Variants in VRK3 observed in about 807,000 individuals in gnomAD.
The protein encoded by VRK3 is serine/threonine-protein kinase VRK3.
Under a neutral mutation model 60.4 loss-of-function variants are expected in VRK3, and 50 were observed. The observed-to-expected ratio is 0.83, with a 90% CI of 0.66 to 1.05. VRK3 has a LOEUF of 1.05. Ranked by LOEUF, VRK3 falls within the 50% of genes least tolerant of loss-of-function variation. The probability of loss-of-function intolerance (pLI) is 0.00; values close to 1 mark genes in which losing one functional copy is unlikely to be tolerated. For missense variants in VRK3, 549 were observed against 585.3 expected (o/e 0.94, Z 0.64); for synonymous variants, 246 against 227.8 (o/e 1.08, Z -0.72).
At chr19:49,996,029 C>T (rs931238289) in intron 7 of VRK3, among the ~76,000 whole-genome samples, 1 of 152,162 alleles carries the variant, frequency 6.6e-6, no homozygotes, top group Non-Finnish European at 1.5e-5. Context: ...TCAAGTGATT[C>T]TCCTGCCTCA....
chr19:49,986,050 T>C (rs1600658912), intron 12 of VRK3, among the ~76,000 whole-genome samples: 2 of 152,302 alleles, frequency 1.3e-5, no homozygotes, highest in South Asian at 2.1e-4. Context: ...TAATAAATGT[T>C]AGCTTTGAAC....
intron 3 of VRK3, 193 bp downstream of exon 3, chr19:50,015,831 A>G (rs2077066936): frequency 2.9e-6 from 2 of 680,602 alleles, no homozygotes; most frequent in African/African-American, 3.6e-5. Flanking sequence ...ACATGGAGAC[A>G]GTGTTCAAAG....
rs753962257 is a variant in VRK3 at position 49,997,587 on chromosome 19, G to C, written c.613-17C>G. The stretch of plus-strand genomic sequence containing the variant: ...CTTGGCATCCTGGTGGGGGACAGGA[G>C]GGGCAGAAGGCTGTCACACTGAAGT... On this transcript the variant is annotated splice_polypyrimidine_tract_variant and intron_variant, in intron 6 of 14. Coordinates refer to ENST00000316763, the MANE Select transcript of VRK3 (RefSeq NM_016440.4). 6.2e-6 allele frequency: 10 copies of C among 1,613,614 alleles called. No homozygotes were observed. The East Asian group carries it at 2.0e-4, about 32-fold the overall frequency.
chr19:50,017,144 A>G (rs1289532436), intron 2 of VRK3, among the ~76,000 whole-genome samples: 1 of 152,008 alleles, frequency 6.6e-6, no homozygotes, highest in East Asian at 1.9e-4. Context: ...CAGTGAACCA[A>G]GATCATGCCA....
intron 11 of VRK3, among the ~76,000 whole-genome samples, chr19:49,989,186 A>G (rs939513087): frequency 6.6e-6 from 1 of 152,038 alleles, no homozygotes; most frequent in Non-Finnish European, 1.5e-5. Context: ...GGGGCTCAAG[A>G]AATCTGCCCT....
rs1166002324 is a variant in VRK3, at chr19:49,981,956, AT to A, written c.1218-944del. The A allele has an allele frequency of 1.1e-5, 7 of 651,306 alleles. No homozygotes were observed. The African/African-American group carries it at 1.3e-4, about 12-fold the overall frequency. 40.3% of individuals were successfully genotyped at this position (651,306 alleles called of 1,614,324 possible). A position where few individuals can be genotyped will look rare whatever the true frequency, so the allele number is the denominator to read the frequency against. Reference sequence around the variant, plus strand: ...GTGCCTGAGAGGGGGTCACTGTGGCATCCGCACAGTTCAGTGGAATGTGGGG... The same window carrying A: ...GTGCCTGAGAGGGGGTCACTGTGGCACCGCACAGTTCAGTGGAATGTGGGG... On this transcript the variant is annotated intron_variant, in intron 12 of 14. Transcript: ENST00000316763.
chr19:50,004,294 C>T (rs1276195929), intron 5 of VRK3, among the ~76,000 whole-genome samples: 1 of 152,028 alleles, frequency 6.6e-6, no homozygotes, highest in Non-Finnish European at 1.5e-5. Context: ...CCTGCCCTCT[C>T]CCCACCCTGC....
intron 14 of VRK3, chr19:49,978,643 G>A (rs1319212693): frequency 6.2e-6 from 1 of 160,526 alleles, no homozygotes; most frequent in African/African-American, 2.4e-5. Flanking sequence ...CCGAAGGCAT[G>A]GAGCAGCTAC....
chr19:50,005,210 C>T lies in VRK3; in HGVS notation c.547+2359G>A, dbSNP rs1239022140. On this transcript the variant is annotated intron_variant, in intron 5 of 14. Coordinates refer to ENST00000316763, the MANE Select transcript of VRK3 (RefSeq NM_016440.4). ...GACATCAAGGCACAGAGTGCCTGGG[C>T]TGTTTGCTGGGGCTCCCTCAGTGTG... Among the ~76,000 whole-genome samples, 2 of 149,108 alleles carry T rather than the reference C, an allele frequency of 1.3e-5. 1 individual carries two copies. The highest frequency in any genetic ancestry group is 5.2e-5 in the African/African-American group (2 of 38,482).
intron 12 of VRK3, among the ~76,000 whole-genome samples, chr19:49,985,770 A>C (rs892204285): frequency 1.3e-5 from 2 of 152,196 alleles, no homozygotes; most frequent in African/African-American, 4.8e-5. Flanking sequence ...GCAAGGGTTC[A>C]GTATTTGTTG....
rs1332809327 is a variant in VRK3 at position 50,020,645 on chromosome 19, G to C, written c.-62C>G. The C allele has an allele frequency of 1.3e-5, 2 of 152,248 alleles. No homozygotes were observed. Among genetic ancestry groups the C allele is most frequent in the Admixed American group, 6.5e-5 (1 of 15,270 alleles). The allele number at this position is 152,248 out of a possible 1,614,324, so 9.4% of individuals were successfully genotyped here. On this transcript the variant is annotated splice_region_variant and 5_prime_UTR_variant, in exon 2 of 15. Coordinates refer to ENST00000316763, the MANE Select transcript of VRK3 (RefSeq NM_016440.4). Reference sequence around the variant, plus strand: ...GGGTTGGAAACTCCATCTTGACAGCGACCTGTAAGTGAACAAAAGTGGAGA... The same window carrying C: ...GGGTTGGAAACTCCATCTTGACAGCCACCTGTAAGTGAACAAAAGTGGAGA...
intron 9 of VRK3, among the ~76,000 whole-genome samples, chr19:49,993,188 A>G (rs999535400): frequency 1.3e-5 from 2 of 152,208 alleles, no homozygotes; most frequent in African/African-American, 4.8e-5. Flanking sequence ...GTGGCTTCCT[A>G]TCTACTCCTG....
intron 10 of VRK3, among the ~76,000 whole-genome samples, chr19:49,992,310 C>CA (rs1379774037): frequency 6.6e-6 from 1 of 152,178 alleles, no homozygotes; most frequent in African/African-American, 2.4e-5. Context: ...AGGAGGCTGA[C>CA]AGAGAATCGC....
Position 49,989,611 on chromosome 19 carries a change from G to A in VRK3, c.1096+28C>T, listed in dbSNP as rs747592532. ...CCTTGTATAAGAAGCATCTCTCTGC[G>A]GTCCCAAACCCATCCCTGGCCTCGT... On this transcript the variant is annotated intron_variant, in intron 11 of 14. Coordinates refer to ENST00000316763, the MANE Select transcript of VRK3 (RefSeq NM_016440.4). 5.3e-5 allele frequency: 83 copies of A among 1,576,274 alleles called. 1 individual carries two copies. The highest frequency in any genetic ancestry group is 2.6e-4 in the Admixed American group (15 of 57,166).
chr19:49,999,518 T>C (rs2076763482), intron 6 of VRK3: 1 of 152,338 alleles, frequency 6.6e-6, no homozygotes, highest in Admixed American at 6.5e-5. Context: ...AATAAATGGA[T>C]GGATGAACAC....
chr19:50,025,150 C>A (rs2077247944), intron 1 of VRK3, 117 bp downstream of exon 1: 1 of 152,362 alleles, frequency 6.6e-6, no homozygotes, highest in Admixed American at 6.5e-5. Flanking sequence ...CATTCCGAAC[C>A]CCGACAGCAG....
chr19:49,997,739 G>A (rs1277943908), intron 6 of VRK3, 169 bp from the exon 7 acceptor site: 7 of 623,426 alleles, frequency 1.1e-5, no homozygotes, highest in South Asian at 6.5e-5. Flanking sequence ...CAGAGACTGC[G>A]AGCTACCTTG....
At chr19:49,996,658 C>T (rs1194985284) in intron 7 of VRK3, among the ~76,000 whole-genome samples, 2 of 152,186 alleles carry the variant, frequency 1.3e-5, no homozygotes, top group Non-Finnish European at 2.9e-5. Context: ...ACTCTATCGC[C>T]CAGACTGGAG....
chr19:50,014,026 G>T (rs531568444), intron 3 of VRK3, among the ~76,000 whole-genome samples: 8 of 152,160 alleles, frequency 5.3e-5, no homozygotes, highest in Non-Finnish European at 7.3e-5. Flanking sequence ...CAACACTTTG[G>T]GGGGCTGAGG....
Sources: allele counts gnomAD v4.1 joint callset (sites outside exome capture counted in the v4.1 genomes callset), GRCh38; gene constraint gnomAD v4.1.1; transcripts MANE v1.5; gene names NCBI Gene and HGNC (gene_info 2026-07-23, HGNC 2026-07-21).